Variants in MOSMO observed in about 807,000 individuals in gnomAD.
MOSMO encodes the protein modulator of smoothened.
In MOSMO, 5 loss-of-function variants were observed where a neutral mutation model predicts 18.4. The observed-to-expected ratio is 0.27, with a 90% CI of 0.14 to 0.57. MOSMO has a LOEUF of 0.57. Ranked by LOEUF, MOSMO falls within the 20% of genes least tolerant of loss-of-function variation. MOSMO has a pLI of 0.92. For synonymous variants in MOSMO, 82 were observed against 82.3 expected (o/e 1.00, Z 0.02); for missense variants, 138 against 211.8 (o/e 0.65, Z 2.16).
intron 1 of MOSMO, among the ~76,000 whole-genome samples, chr16:22,015,222 TAATGTTCTCAAAGTTCATACATG>T (rs1899613407): frequency 6.6e-6 from 1 of 152,094 alleles, no homozygotes. Context: ...AAACTTAGCA[TAATGTTCTCAAAGTTCATACATG>T]TTATGACTTT....
At chr16:22,025,128 G>T (rs1394036315) in intron 1 of MOSMO, among the ~76,000 whole-genome samples, 3 of 151,490 alleles carry the variant, frequency 2.0e-5, no homozygotes, top group African/African-American at 7.3e-5. Flanking sequence ...ACTCCAGCCT[G>T]GGCAATGGAA....
At chr16:22,054,303 C>A (rs1900490833) in intron 1 of MOSMO, among the ~76,000 whole-genome samples, 1 of 152,128 alleles carries the variant, frequency 6.6e-6, no homozygotes, top group African/African-American at 2.4e-5. Context: ...ACTCTGTTGC[C>A]CAGGCTAGTC....
At chr16:22,070,738 T>G (rs1001949430) in intron 1 of MOSMO, among the ~76,000 whole-genome samples, 2 of 152,134 alleles carry the variant, frequency 1.3e-5, no homozygotes, top group African/African-American at 4.8e-5. Context: ...CAGATAAAAA[T>G]CATCACCACT....
At chr16:22,019,061 A>T (rs1023944080) in intron 1 of MOSMO, among the ~76,000 whole-genome samples, 3 of 152,202 alleles carry the variant, frequency 2.0e-5, no homozygotes, top group African/African-American at 7.2e-5. Context: ...TGTTATTTAG[A>T]CAGCCTCATG....
At chr16:22,013,477 C>T (rs1899575052) in intron 1 of MOSMO, among the ~76,000 whole-genome samples, 2 of 152,130 alleles carry the variant, frequency 1.3e-5, no homozygotes, top group Admixed American at 6.6e-5. Context: ...ACTCTCTTCT[C>T]ACCCCTGAAG....
At chr16:22,075,867 C>CT in intron 2 of MOSMO, 168 bp downstream of exon 2, 2 of 564,210 alleles carry the variant, frequency 3.5e-6, no homozygotes, top group Non-Finnish European at 6.3e-6. Context: ...CTTCAAAACT[C>CT]TTTCTGCAAG....
chr16:22,016,927 G>A (rs756901218), intron 1 of MOSMO, among the ~76,000 whole-genome samples: 1 of 152,146 alleles, frequency 6.6e-6, no homozygotes, highest in Admixed American at 6.6e-5. Flanking sequence ...TTAAGAGCTG[G>A]TAGTACAGTT....
At chr16:22,033,272 A>T (rs1900033723) in intron 1 of MOSMO, among the ~76,000 whole-genome samples, 1 of 152,202 alleles carries the variant, frequency 6.6e-6, no homozygotes, top group Admixed American at 6.5e-5. Context: ...GAATCTGTAG[A>T]TCAACTTGGA....
chr16:22,026,828 A>G (rs750886289), intron 1 of MOSMO, among the ~76,000 whole-genome samples: 5 of 152,222 alleles, frequency 3.3e-5, no homozygotes, highest in African/African-American at 9.6e-5. Context: ...ACAAGCTGCT[A>G]TTTGAAATTC....
At chr16:22,050,265 CTTTAA>C (rs2141744208) in intron 1 of MOSMO, among the ~76,000 whole-genome samples, 1 of 152,252 alleles carries the variant, frequency 6.6e-6, no homozygotes, top group African/African-American at 2.4e-5. Flanking sequence ...GCACCAAGTA[CTTTAA>C]TTTAAAATAT....
At chr16:22,071,664 G>A (rs1348142033) in intron 1 of MOSMO, among the ~76,000 whole-genome samples, 1 of 152,158 alleles carries the variant, frequency 6.6e-6, no homozygotes, top group African/African-American at 2.4e-5. Flanking sequence ...ATGCTGAGAG[G>A]CATGTGGGAT....
Position 22,083,442 on chromosome 16 carries a change from C to T in MOSMO, c.*2562C>T, listed in dbSNP as rs1473944819. On this transcript the variant is annotated 3_prime_UTR_variant, in exon 3 of 3. Coordinates refer to ENST00000542527, the MANE Select transcript of MOSMO (RefSeq NM_001164579.2). ...CAAGTAGTATGTGAAGTCAAGTCTTCGTACTCTTGCAGACCAGACATTGAA... is the reference window on the plus strand; with the variant it reads ...CAAGTAGTATGTGAAGTCAAGTCTTTGTACTCTTGCAGACCAGACATTGAA... 2.6e-5 allele frequency: 7 copies of T among 273,646 alleles called. No individual in the cohort carries two copies. Among genetic ancestry groups the T allele is most frequent in the African/African-American group, 1.4e-4 (6 of 42,540 alleles). The allele number at this position is 273,646 out of a possible 1,614,324, so 17.0% of individuals were successfully genotyped here.
intron 1 of MOSMO, among the ~76,000 whole-genome samples, chr16:22,048,548 G>GT: frequency 6.6e-6 from 1 of 152,072 alleles, no homozygotes; most frequent in East Asian, 1.9e-4. Flanking sequence ...TCTTTATTAA[G>GT]TTGAACATCT....
chr16:22,062,646 C>T (rs987534059), intron 1 of MOSMO, among the ~76,000 whole-genome samples: 2 of 152,072 alleles, frequency 1.3e-5, no homozygotes, highest in Non-Finnish European at 2.9e-5. Context: ...AAAAGTATAT[C>T]GACATAGCAA....
intron 1 of MOSMO, among the ~76,000 whole-genome samples, chr16:22,057,252 T>G (rs776100365): frequency 6.6e-6 from 1 of 152,200 alleles, no homozygotes; most frequent in Non-Finnish European, 1.5e-5. Flanking sequence ...AAGATCAAAG[T>G]GCCAGCAGCT....
At chr16:22,026,045 C>T (rs958215831) in intron 1 of MOSMO, among the ~76,000 whole-genome samples, 1 of 152,038 alleles carries the variant, frequency 6.6e-6, no homozygotes, top group Admixed American at 6.6e-5. Context: ...ATTTGACCTA[C>T]CCATTCTTTA....
chr16:22,039,337 A>G (rs918177467), intron 1 of MOSMO, among the ~76,000 whole-genome samples: 1 of 152,192 alleles, frequency 6.6e-6, no homozygotes, highest in African/African-American at 2.4e-5. Flanking sequence ...TTATCTATAA[A>G]AAGGAAATTA....
intron 1 of MOSMO, among the ~76,000 whole-genome samples, chr16:22,022,183 C>CTT (rs771655222): frequency 6.9e-6 from 1 of 145,190 alleles, no homozygotes; most frequent in African/African-American, 2.5e-5. Flanking sequence ...GCCCGTATCA[C>CTT]TTTTTTTTTT....
At chr16:22,043,179 T>A (rs1195731541) in intron 1 of MOSMO, among the ~76,000 whole-genome samples, 1 of 152,228 alleles carries the variant, frequency 6.6e-6, no homozygotes, top group Admixed American at 6.5e-5. Context: ...GTTTCTGTGA[T>A]CTTTTAACTG....
Sources: allele counts gnomAD v4.1 joint callset (sites outside exome capture counted in the v4.1 genomes callset), GRCh38; gene constraint gnomAD v4.1.1; transcripts MANE v1.5; gene names NCBI Gene and HGNC (gene_info 2026-07-23, HGNC 2026-07-21).